The following VANGL1 variants were observed in gnomAD, a reference collection of about 807,000 sequenced individuals.
The protein encoded by VANGL1 is VANGL planar cell polarity protein 1.
Under a neutral mutation model 48.4 loss-of-function variants are expected in VANGL1, and 18 were observed. The ratio of observed to expected loss-of-function variants is 0.37; its 90% CI spans 0.26 to 0.55. The LOEUF (loss-of-function observed/expected upper bound fraction) is 0.55. Ranked by LOEUF, VANGL1 falls within the 20% of genes least tolerant of loss-of-function variation. VANGL1 has a pLI of 0.81. For missense variants in VANGL1, 667 were observed against 675.8 expected (o/e 0.99, Z 0.14); for synonymous variants, 257 against 261.8 (o/e 0.98, Z 0.18).
chr1:115,663,487 A>G (rs1367130563), intron 3 of VANGL1, among the ~76,000 whole-genome samples, 174 bp from the exon 4 acceptor site: 1 of 152,218 alleles, frequency 6.6e-6, no homozygotes, highest in Non-Finnish European at 1.5e-5. Context: ...TGAAAATTTC[A>G]ATGAAAATCG....
chr1:115,665,409 C>T (rs1038161456), intron 4 of VANGL1, among the ~76,000 whole-genome samples: 60 of 152,242 alleles, frequency 3.9e-4, no homozygotes, highest in African/African-American at 1.4e-3. Flanking sequence ...GCTATTACTG[C>T]TGTGATCATG....
chr1:115,683,986 C>T lies in VANGL1; in HGVS notation c.989C>T (p.Ala330Val). The change falls in exon 6 of 8, where the codon GCT (alanine) becomes GTT (valine). Residue 330 changes from alanine to valine, a missense_variant. By Grantham distance (64) the Ala-to-Val change is moderately conservative. Transcript: ENST00000355485. ...NATGQSRAMIAAAARRRDSSH... is the reference protein window; with the variant it reads ...NATGQSRAMIVAAARRRDSSH... ...ACTGGCCAGTCCCGGGCCATGATTG[C>T]TGCAGCTGCTCGGCGCAGGGACTCA... 5.0e-6 allele frequency: 8 copies of T among 1,614,164 alleles called. No homozygotes were observed. The highest frequency in any genetic ancestry group is 6.8e-6 in the Non-Finnish European group (8 of 1,179,998).
chr1:115,685,141 ACT>A, intron 6 of VANGL1, 150 bp from the exon 7 acceptor site: 4 of 824,822 alleles, frequency 4.8e-6, no homozygotes, highest in African/African-American at 1.7e-5. Flanking sequence ...CTCCCTCTCC[ACT>A]CTCTGAGGGA....
intron 2 of VANGL1, among the ~76,000 whole-genome samples, chr1:115,658,838 G>A (rs1652439173): frequency 6.6e-6 from 1 of 152,108 alleles, no homozygotes; most frequent in South Asian, 2.1e-4. Flanking sequence ...GTGACCCCCA[G>A]GCAGGGTTCT....
intron 1 of VANGL1, among the ~76,000 whole-genome samples, chr1:115,647,134 A>G (rs907215173): frequency 3.3e-5 from 5 of 152,258 alleles, no homozygotes; most frequent in Admixed American, 1.3e-4. Flanking sequence ...TGACGTCTGC[A>G]TTGTAATTTA....
At chr1:115,670,181 A>G (rs1015476276) in intron 4 of VANGL1, among the ~76,000 whole-genome samples, 2 of 152,190 alleles carry the variant, frequency 1.3e-5, no homozygotes, top group African/African-American at 4.8e-5. Context: ...CCCAGAAGAG[A>G]GCCCTCAATA....
chr1:115,655,102 G>C (rs1303155508), intron 2 of VANGL1, among the ~76,000 whole-genome samples: 1 of 152,194 alleles, frequency 6.6e-6, no homozygotes, highest in Non-Finnish European at 1.5e-5. Context: ...TTCAGAGTCT[G>C]TGTGTCCTGC....
intron 1 of VANGL1, among the ~76,000 whole-genome samples, chr1:115,650,231 T>C (rs1253609170): frequency 1.3e-5 from 2 of 152,140 alleles, no homozygotes. Context: ...TTCACACTTA[T>C]CTCACTGGCT....
intron 1 of VANGL1, among the ~76,000 whole-genome samples, chr1:115,646,251 T>C (rs1294328269): frequency 6.6e-6 from 1 of 152,168 alleles, no homozygotes; most frequent in Non-Finnish European, 1.5e-5. Flanking sequence ...TCTGTGCACC[T>C]ATCTCCCATT....
chr1:115,664,176 G>C lies in VANGL1; in HGVS notation c.720G>C (p.Leu240=). The change falls in exon 4 of 8, where the codon CTG becomes CTC. Residue 240 remains leucine, a synonymous_variant. Transcript: ENST00000355485. ...TCATCCATTACCTGGCCATCGTCCTGCTGGAGCTCAGGCAGCTGCAGCCCA... is the reference window on the plus strand; with the variant it reads ...TCATCCATTACCTGGCCATCGTCCTCCTGGAGCTCAGGCAGCTGCAGCCCA... The part of the protein sequence containing the change: ...LLFIHYLAIV[L]LELRQLQPMF... 6.2e-7 allele frequency: 1 copy of C among 1,614,064 alleles called. No individual in the cohort carries two copies. The highest frequency in any genetic ancestry group is 8.5e-7 in the Non-Finnish European group (1 of 1,179,942).
chr1:115,677,396 A>G (rs972458351), intron 4 of VANGL1, among the ~76,000 whole-genome samples: 28 of 152,228 alleles, frequency 1.8e-4, no homozygotes, highest in African/African-American at 6.5e-4. Flanking sequence ...CAAAGAAAAT[A>G]GGCCAGTAGG....
intron 1 of VANGL1, among the ~76,000 whole-genome samples, chr1:115,647,579 T>C (rs1651985917): frequency 6.6e-6 from 1 of 152,190 alleles, no homozygotes; most frequent in Admixed American, 6.5e-5. Flanking sequence ...GGATAAGAGT[T>C]GGTAACTATT....
intron 4 of VANGL1, among the ~76,000 whole-genome samples, chr1:115,665,116 C>G (rs1048199125): frequency 3.3e-5 from 5 of 152,140 alleles, no homozygotes; most frequent in East Asian, 1.9e-4. Context: ...GTGAATGCCC[C>G]CATAATGGCA....
chr1:115,658,932 C>T (rs1652443261), intron 2 of VANGL1, among the ~76,000 whole-genome samples: 1 of 151,786 alleles, frequency 6.6e-6, no homozygotes, highest in African/African-American at 2.4e-5. Context: ...GGTCTGAAAC[C>T]CTCCCCATGT....
At chr1:115,645,093 G>A (rs984446032) in intron 1 of VANGL1, among the ~76,000 whole-genome samples, 1 of 152,090 alleles carries the variant, frequency 6.6e-6, no homozygotes, top group Non-Finnish European at 1.5e-5. Context: ...ATCTCTGCCC[G>A]CTCCTTTCCA....
At chr1:115,690,776 A>G (rs1653800702) in intron 7 of VANGL1, among the ~76,000 whole-genome samples, 1 of 152,226 alleles carries the variant, frequency 6.6e-6, no homozygotes, top group Admixed American at 6.5e-5. Context: ...GAAACACATC[A>G]AGTAGGACCA....
intron 4 of VANGL1, among the ~76,000 whole-genome samples, chr1:115,680,256 C>G (rs192666018): frequency 1.3e-5 from 2 of 152,212 alleles, no homozygotes; most frequent in East Asian, 3.9e-4. Context: ...TCCGCCTCCT[C>G]AGGAAGGCTG....
chr1:115,668,157 C>T (rs1652860500), intron 4 of VANGL1, among the ~76,000 whole-genome samples: 1 of 152,196 alleles, frequency 6.6e-6, no homozygotes, highest in African/African-American at 2.4e-5. Context: ...GATTTGAGCC[C>T]AGGCTCTCTG....
intron 4 of VANGL1, among the ~76,000 whole-genome samples, chr1:115,681,003 C>T (rs568429360): frequency 1.3e-5 from 2 of 152,330 alleles, no homozygotes; most frequent in East Asian, 1.9e-4. Context: ...AGCACGTACG[C>T]TGTTACACAG....
Sources: gnomAD v4.1 joint callset for allele counts (sites outside exome capture counted in the v4.1 genomes callset) on GRCh38, gnomAD v4.1.1 for gene constraint, MANE v1.5 for transcripts, NCBI Gene and HGNC (gene_info 2026-07-23, HGNC 2026-07-21) for gene names.